The following HECW2 variants were observed in gnomAD, a reference collection of about 807,000 sequenced individuals.
The protein encoded by HECW2 is E3 ubiquitin-protein ligase HECW2.
HECW2 carries 61 observed loss-of-function variants against 175.2 expected under a neutral mutation model. That is an observed-to-expected ratio of 0.35 (90% CI 0.28 to 0.43). HECW2 has a LOEUF of 0.43. Ranked by LOEUF, HECW2 falls within the 20% of genes least tolerant of loss-of-function variation. The pLI is 1.00. For synonymous variants in HECW2, 671 were observed against 731.0 expected (o/e 0.92, Z 1.32); for missense variants, 1,524 against 2,000.5 (o/e 0.76, Z 4.54).
At chr2:196,370,732 G>A (rs913584510) in intron 2 of HECW2, among the ~76,000 whole-genome samples, 6 of 152,198 alleles carry the variant, frequency 3.9e-5, no homozygotes, top group Non-Finnish European at 8.8e-5. Context: ...CCTCTGGCTA[G>A]GGCTGATCTA....
At chr2:196,296,729 A>G (rs998039714) in intron 13 of HECW2, among the ~76,000 whole-genome samples, 3 of 152,216 alleles carry the variant, frequency 2.0e-5, no homozygotes. Flanking sequence ...AAGAGTTGGA[A>G]AAACAAAGGC....
chr2:196,554,017 C>T (rs1456681412), intron 1 of HECW2, among the ~76,000 whole-genome samples: 1 of 152,218 alleles, frequency 6.6e-6, no homozygotes, highest in African/African-American at 2.4e-5. Context: ...TCCCTGATAT[C>T]TAGGATAGGG....
At chr2:196,345,520 T>G (rs1418356007) in intron 2 of HECW2, among the ~76,000 whole-genome samples, 1 of 152,240 alleles carries the variant, frequency 6.6e-6, no homozygotes, top group Admixed American at 6.5e-5. Flanking sequence ...TGCTCTTCCC[T>G]GTCCCCTCTT....
At chr2:196,471,482 TATAAA>T (rs1423568915) in intron 1 of HECW2, among the ~76,000 whole-genome samples, 1 of 152,224 alleles carries the variant, frequency 6.6e-6, no homozygotes. Flanking sequence ...CATAAAGGAA[TATAAA>T]TTGTTCTGTC....
At chr2:196,367,872 GTGTT>G (rs908583973) in intron 2 of HECW2, among the ~76,000 whole-genome samples, 5 of 151,230 alleles carry the variant, frequency 3.3e-5, no homozygotes, top group African/African-American at 4.9e-5. Context: ...GTGTGTGTGT[GTGTT>G]TGTGTGTGTG....
intron 4 of HECW2, among the ~76,000 whole-genome samples, chr2:196,333,253 C>T (rs374418707): frequency 1.4e-4 from 22 of 151,978 alleles, no homozygotes; most frequent in African/African-American, 4.1e-4. Flanking sequence ...AGATCAATGA[C>T]GGCGTTTTTC....
chr2:196,569,567 A>T (rs922213626), intron 1 of HECW2, among the ~76,000 whole-genome samples: 2 of 152,194 alleles, frequency 1.3e-5, no homozygotes, highest in African/African-American at 2.4e-5. Context: ...TAAGACAGGG[A>T]AAGTTTACAA....
At chr2:196,406,350 C>T (rs1694965705) in intron 2 of HECW2, among the ~76,000 whole-genome samples, 1 of 152,190 alleles carries the variant, frequency 6.6e-6, no homozygotes, top group South Asian at 2.1e-4. Context: ...TTCTGTTTCC[C>T]ACACCAATCT....
chr2:196,395,932 G>A (rs571446975), intron 2 of HECW2, among the ~76,000 whole-genome samples: 4 of 152,084 alleles, frequency 2.6e-5, no homozygotes, highest in East Asian at 1.9e-4. Flanking sequence ...GTATGCCCAC[G>A]TTCATAGGAG....
intron 2 of HECW2, among the ~76,000 whole-genome samples, chr2:196,410,184 C>T (rs1695070560): frequency 6.6e-6 from 1 of 152,170 alleles, no homozygotes; most frequent in Admixed American, 6.5e-5. Context: ...CAAGTGTTCT[C>T]ACTTAGGGAT....
intron 4 of HECW2, among the ~76,000 whole-genome samples, chr2:196,331,475 G>A (rs1195597169): frequency 6.6e-6 from 1 of 152,132 alleles, no homozygotes; most frequent in African/African-American, 2.4e-5. Flanking sequence ...TCTGCAAATG[G>A]GCCACACGCC....
At chr2:196,392,726 A>G (rs1694550560) in intron 2 of HECW2, among the ~76,000 whole-genome samples, 1 of 152,188 alleles carries the variant, frequency 6.6e-6, no homozygotes, top group African/African-American at 2.4e-5. Context: ...CACTGAAACA[A>G]CAGTAATAAA....
intron 1 of HECW2, among the ~76,000 whole-genome samples, chr2:196,495,955 T>A (rs1340090570): frequency 6.6e-6 from 1 of 152,182 alleles, no homozygotes; most frequent in Non-Finnish European, 1.5e-5. Flanking sequence ...TGGACTTCAT[T>A]CTACATGCAA....
chr2:196,231,762 A>G (rs1688064677), intron 21 of HECW2, among the ~76,000 whole-genome samples: 1 of 48,764 alleles, frequency 2.1e-5, no homozygotes, highest in African/African-American at 6.6e-5. Flanking sequence ...GCTGAGGCAG[A>G]CGGATCACAA....
intron 10 of HECW2, 121 bp downstream of exon 10, chr2:196,317,153 A>G: frequency 1.4e-6 from 1 of 736,708 alleles, no homozygotes; most frequent in Non-Finnish European, 2.4e-6. Context: ...TCAAGTGGCA[A>G]CCCCCAGATT....
At chr2:196,542,773 A>G (rs1397395773) in intron 1 of HECW2, among the ~76,000 whole-genome samples, 1 of 150,760 alleles carries the variant, frequency 6.6e-6, no homozygotes, top group Non-Finnish European at 1.5e-5. Context: ...ATATATATAA[A>G]TATATCTAGA....
chr2:196,394,165 G>A (rs371894301), intron 2 of HECW2, among the ~76,000 whole-genome samples: 4 of 151,696 alleles, frequency 2.6e-5, no homozygotes, highest in Non-Finnish European at 5.9e-5. Context: ...GGGGGGAGAG[G>A]GGGGAGGGAT....
chr2:196,402,389 A>G (rs539888643), intron 2 of HECW2, among the ~76,000 whole-genome samples: 2 of 152,270 alleles, frequency 1.3e-5, no homozygotes, highest in South Asian at 4.1e-4. Flanking sequence ...TCTTAGTCAA[A>G]GAAACTTTGA....
chr2:196,326,603 C>T (rs1204785628), intron 5 of HECW2, among the ~76,000 whole-genome samples: 1 of 151,766 alleles, frequency 6.6e-6, no homozygotes, highest in African/African-American at 2.4e-5. Flanking sequence ...ACCACCACAC[C>T]CAGCGAATTT....
Sources: gnomAD v4.1 joint callset for allele counts (sites outside exome capture counted in the v4.1 genomes callset) on GRCh38, gnomAD v4.1.1 for gene constraint, MANE v1.5 for transcripts, NCBI Gene and HGNC (gene_info 2026-07-23, HGNC 2026-07-21) for gene names.